KBTBD12: variants seen among roughly 807,000 people sequenced by gnomAD.
KBTBD12 encodes the protein kelch repeat and BTB domain-containing protein 12.
KBTBD12 carries 53 observed loss-of-function variants against 58.7 expected under a neutral mutation model. The ratio of observed to expected loss-of-function variants is 0.90; its 90% CI spans 0.72 to 1.14. KBTBD12 has a LOEUF of 1.14. Among genes scored for constraint, KBTBD12 ranks in the 50% most tolerant of loss-of-function variants. KBTBD12 has a pLI of 0.00. For missense variants in KBTBD12, 704 were observed against 751.3 expected, an observed-to-expected ratio of 0.94 and a Z score of 0.74; for synonymous variants, 236 against 259.8, an observed-to-expected ratio of 0.91 and a Z score of 0.88.
chr3:127,962,278 C>T (rs371820063), intron 4 of KBTBD12, among the ~76,000 whole-genome samples: 2 of 152,248 alleles, frequency 1.3e-5, no homozygotes, highest in East Asian at 1.9e-4. Context: ...CCAGTGTGGA[C>T]TTGGGAGGGG....
At chr3:127,944,405 G>A (rs1439955201) in intron 4 of KBTBD12, among the ~76,000 whole-genome samples, 1 of 151,876 alleles carries the variant, frequency 6.6e-6, no homozygotes, top group African/African-American at 2.4e-5. Context: ...CACTTTCTTG[G>A]TTAAATTTAT....
At chr3:127,965,146 G>T (rs966761659) in intron 5 of KBTBD12, among the ~76,000 whole-genome samples, 2 of 152,212 alleles carry the variant, frequency 1.3e-5, no homozygotes, top group African/African-American at 4.8e-5. Context: ...GGGATAGGTG[G>T]TTATTCACGT....
chr3:127,969,125 T>C (rs901340728), intron 5 of KBTBD12, among the ~76,000 whole-genome samples: 3 of 152,162 alleles, frequency 2.0e-5, no homozygotes, highest in African/African-American at 7.2e-5. Context: ...AAAGCATCCA[T>C]ATTGGAAAGT....
At position 127,964,924 on chromosome 3, in the gene KBTBD12, G is replaced by C. The variant is rs533835980; in HGVS notation, c.1690+1538G>C. Among the ~76,000 whole-genome samples, 4 of 152,288 alleles carry C rather than the reference G, an allele frequency of 2.6e-5. No homozygotes were observed. The South Asian group carries it at 8.3e-4, about 32-fold the overall frequency. On this transcript the variant is annotated intron_variant, in intron 5 of 5. Transcript: ENST00000405109. ...AATCTATCATAGTAGTAAGAAACCT[G>C]GCCCAACAAGGAATCCTAATAGGGG...
intron 1 of KBTBD12, among the ~76,000 whole-genome samples, chr3:127,918,739 G>T: frequency 6.6e-6 from 1 of 151,734 alleles, no homozygotes; most frequent in East Asian, 1.9e-4. Flanking sequence ...AAAGAAAAGA[G>T]AACAGCGTGT....
chr3:127,964,647 A>C (rs920128331), intron 5 of KBTBD12, among the ~76,000 whole-genome samples: 14 of 151,830 alleles, frequency 9.2e-5, no homozygotes, highest in South Asian at 8.3e-4. Flanking sequence ...TCTCAAAAAA[A>C]AAAAAAAAAA....
At chr3:127,973,949 G>T (rs912423090) in intron 5 of KBTBD12, among the ~76,000 whole-genome samples, 1 of 152,260 alleles carries the variant, frequency 6.6e-6, no homozygotes, top group Admixed American at 6.5e-5. Flanking sequence ...ACACCCTGGA[G>T]AAATTGTACT....
At chr3:127,919,660 GTCTTCATTCAGACTAGATAAGGAGGTCA>G (rs1462677594) in intron 1 of KBTBD12, among the ~76,000 whole-genome samples, 4 of 152,158 alleles carry the variant, frequency 2.6e-5, no homozygotes, top group Non-Finnish European at 4.4e-5. Context: ...TTTCAAAGCA[GTCTTCATTCAGACTAGATAAGGAGGTCA>G]TAATTTTTTG....
chr3:127,921,074 T>C (rs555657224), intron 1 of KBTBD12, among the ~76,000 whole-genome samples: 1 of 152,224 alleles, frequency 6.6e-6, no homozygotes, highest in East Asian at 1.9e-4. Flanking sequence ...ATTTGAAAAA[T>C]ATATAGATAT....
At position 127,927,751 on chromosome 3, in the gene KBTBD12, C is replaced by G. The variant is rs752487850; in HGVS notation, c.1071-13C>G. ...TTACCTCTAATCCTGGATACTCTCT[C>G]TCTCTTTTGCAGGTATCATGATAGA... On this transcript the variant is annotated splice_polypyrimidine_tract_variant and intron_variant, in intron 2 of 5. Coordinates refer to ENST00000405109, the MANE Select transcript of KBTBD12 (RefSeq NM_207335.4). The G allele has an allele frequency of 6.8e-7, 1 of 1,467,980 alleles. No homozygotes were observed. The highest frequency in any genetic ancestry group is 9.1e-7 in the Non-Finnish European group (1 of 1,104,868). 90.9% of individuals were successfully genotyped at this position (1,467,980 alleles called of 1,614,324 possible). A position where few individuals can be genotyped will look rare whatever the true frequency, so the allele number is the denominator to read the frequency against.
At chr3:127,980,485 A>G (rs1163117903) in intron 5 of KBTBD12, among the ~76,000 whole-genome samples, 3 of 152,110 alleles carry the variant, frequency 2.0e-5, no homozygotes, top group Non-Finnish European at 4.4e-5. Context: ...GGGCGCTACC[A>G]CGCCCAGCTA....
chr3:127,974,837 G>A (rs934301176), intron 5 of KBTBD12, among the ~76,000 whole-genome samples: 1 of 152,040 alleles, frequency 6.6e-6, no homozygotes, highest in African/African-American at 2.4e-5. Context: ...AAATTAGCCG[G>A]GCATGGTGGC....
In KBTBD12 at chr3:127,987,537, T is replaced by G. The variant is rs1431564492; in HGVS notation, c.*3259T>G. On this transcript the variant is annotated 3_prime_UTR_variant, in exon 6 of 6. Transcript: ENST00000405109. ...TAAGGAAGTAATTTGGATGCTAGGC[T>G]GGCAGAAGCCTGCAGCTGTCAACCA... The G allele has an allele frequency of 6.6e-6, 1 of 152,296 alleles. No individual in the cohort carries two copies. Among genetic ancestry groups the G allele is most frequent in the Non-Finnish European group, 1.5e-5 (1 of 68,060 alleles). The allele number at this position is 152,296 out of a possible 1,614,324, so 9.4% of individuals were successfully genotyped here.
At position 127,985,933 on chromosome 3, in the gene KBTBD12, G is replaced by A. The variant is rs1439865247; in HGVS notation, c.*1655G>A. On this transcript the variant is annotated 3_prime_UTR_variant, in exon 6 of 6. Coordinates refer to ENST00000405109, the MANE Select transcript of KBTBD12 (RefSeq NM_207335.4). ...TACTCTTTCCCCAGTGGATGATCAT[G>A]ATCTGTGCATTCTTTTTCTTGCTAC... The A allele has an allele frequency of 6.6e-6, 1 of 152,390 alleles. No homozygotes were observed. The highest frequency in any genetic ancestry group is 1.5e-5 in the Non-Finnish European group (1 of 68,128). 9.4% of individuals were successfully genotyped at this position (152,390 alleles called of 1,614,324 possible). A position where few individuals can be genotyped will look rare whatever the true frequency, so the allele number is the denominator to read the frequency against.
chr3:127,948,978 A>AT (rs1940146343), intron 4 of KBTBD12, among the ~76,000 whole-genome samples: 2 of 152,338 alleles, frequency 1.3e-5, no homozygotes, highest in South Asian at 4.1e-4. Flanking sequence ...CTCAATAAAT[A>AT]TTTCTGACAG....
At chr3:127,951,947 C>A (rs1003629973) in intron 4 of KBTBD12, among the ~76,000 whole-genome samples, 6 of 152,174 alleles carry the variant, frequency 3.9e-5, no homozygotes, top group African/African-American at 1.4e-4. Flanking sequence ...GTAGTATAAA[C>A]ACTGTCTTCC....
intron 5 of KBTBD12, among the ~76,000 whole-genome samples, chr3:127,983,388 T>C (rs1006592333): frequency 7.9e-5 from 12 of 152,134 alleles, no homozygotes; most frequent in African/African-American, 2.9e-4. Context: ...CATGAATAGA[T>C]TAACACCCTC....
chr3:127,977,711 T>G (rs1000556396), intron 5 of KBTBD12, among the ~76,000 whole-genome samples: 1 of 152,356 alleles, frequency 6.6e-6, no homozygotes, highest in Admixed American at 6.5e-5. Flanking sequence ...AAGTTCCTTA[T>G]AGATTCTGGA....
chr3:127,959,277 T>C (rs1940381830), intron 4 of KBTBD12, among the ~76,000 whole-genome samples: 2 of 152,200 alleles, frequency 1.3e-5, no homozygotes, highest in Non-Finnish European at 2.9e-5. Context: ...GCAAAATCCT[T>C]TTCTATTGTT....
Sources: allele counts gnomAD v4.1 joint callset (sites outside exome capture counted in the v4.1 genomes callset), GRCh38; gene constraint gnomAD v4.1.1; transcripts MANE v1.5; gene names NCBI Gene and HGNC (gene_info 2026-07-23, HGNC 2026-07-21).